Variants in NRXN3 observed in about 807,000 individuals in gnomAD.
The protein encoded by NRXN3 is neurexin 3.
Under a neutral mutation model 137.6 loss-of-function variants are expected in NRXN3, and 32 were observed. The observed-to-expected ratio is 0.23, with a 90% CI of 0.18 to 0.31. The LOEUF (loss-of-function observed/expected upper bound fraction) is 0.31. Ranked by LOEUF, NRXN3 falls within the 10% of genes least tolerant of loss-of-function variation. The pLI, the probability that NRXN3 is intolerant of heterozygous loss-of-function variation, is 1.00. For missense variants in NRXN3, 1,574 were observed against 2,062.5 expected (o/e 0.76, Z 4.59); for synonymous variants, 798 against 784.5 (o/e 1.02, Z -0.29).
At chr14:78,606,778 A>G (rs1314276611) in intron 4 of NRXN3, among the ~76,000 whole-genome samples, 1 of 152,186 alleles carries the variant, frequency 6.6e-6, no homozygotes, top group Non-Finnish European at 1.5e-5. Flanking sequence ...TTGTTGACAA[A>G]CACCATATAC....
chr14:79,388,932 C>T (rs1264939410), intron 15 of NRXN3, among the ~76,000 whole-genome samples: 1 of 152,158 alleles, frequency 6.6e-6, no homozygotes, highest in African/African-American at 2.4e-5. Flanking sequence ...TTCCCTTGCA[C>T]ATGCTCTCTT....
At chr14:78,931,534 G>A (rs893035061) in intron 10 of NRXN3, among the ~76,000 whole-genome samples, 18 of 152,164 alleles carry the variant, frequency 1.2e-4, no homozygotes, top group African/African-American at 4.1e-4. Context: ...AATGCTTGCT[G>A]CAGGCTTCTG....
chr14:78,522,496 T>C (rs1308096456), intron 4 of NRXN3, among the ~76,000 whole-genome samples: 2 of 152,220 alleles, frequency 1.3e-5, no homozygotes, highest in Admixed American at 6.5e-5. Flanking sequence ...TTGACTACAA[T>C]TAAAATAATT....
At chr14:79,741,359 G>C (rs1046699096) in intron 19 of NRXN3, among the ~76,000 whole-genome samples, 1 of 151,956 alleles carries the variant, frequency 6.6e-6, no homozygotes, top group Non-Finnish European at 1.5e-5. Flanking sequence ...CAATATGAAA[G>C]GTGTTATTAA....
chr14:79,003,709 C>G (rs757232530), intron 15 of NRXN3, among the ~76,000 whole-genome samples: 38 of 152,108 alleles, frequency 2.5e-4, no homozygotes, highest in Non-Finnish European at 5.3e-4. Flanking sequence ...AGATCACTCT[C>G]CGGTGGAGTT....
chr14:78,252,620 G>A (rs1440599547), intron 2 of NRXN3, among the ~76,000 whole-genome samples: 1 of 152,202 alleles, frequency 6.6e-6, no homozygotes, highest in African/African-American at 2.4e-5. Flanking sequence ...TTGCCCGTGT[G>A]AAGTCCTTAG....
chr14:79,409,429 TA>T (rs920303429), intron 15 of NRXN3, among the ~76,000 whole-genome samples: 3 of 150,770 alleles, frequency 2.0e-5, no homozygotes, highest in African/African-American at 7.3e-5. Context: ...GGTATATGTA[TA>T]CATATATGCA....
intron 10 of NRXN3, among the ~76,000 whole-genome samples, chr14:78,833,569 A>T (rs2098988239): frequency 6.6e-6 from 1 of 152,222 alleles, no homozygotes; most frequent in South Asian, 2.1e-4. Context: ...CATCAAAAGA[A>T]CTTGGTCAAG....
intron 15 of NRXN3, among the ~76,000 whole-genome samples, chr14:79,422,519 G>A (rs1296736999): frequency 6.6e-6 from 1 of 152,084 alleles, no homozygotes; most frequent in East Asian, 1.9e-4. Flanking sequence ...TAATTTAAAT[G>A]GGATTGAGGG....
At chr14:78,615,405 C>A (rs2097337806) in intron 4 of NRXN3, among the ~76,000 whole-genome samples, 1 of 148,726 alleles carries the variant, frequency 6.7e-6, no homozygotes, top group Admixed American at 6.7e-5. Flanking sequence ...TCGAAACCAT[C>A]CTAGCTAACA....
chr14:79,163,289 A>G (rs2153070685), intron 15 of NRXN3, among the ~76,000 whole-genome samples: 1 of 152,074 alleles, frequency 6.6e-6, no homozygotes, highest in African/African-American at 2.4e-5. Context: ...TGAAACAAGT[A>G]CTGTACTCTT....
intron 4 of NRXN3, among the ~76,000 whole-genome samples, chr14:78,579,090 C>T (rs929555660): frequency 4.5e-4 from 69 of 152,258 alleles, no homozygotes; most frequent in African/African-American, 1.3e-3. Flanking sequence ...ACTCTAGGGA[C>T]TCACGCTTGA....
At chr14:78,711,587 C>T (rs1296765076) in intron 7 of NRXN3, among the ~76,000 whole-genome samples, 2 of 151,990 alleles carry the variant, frequency 1.3e-5, no homozygotes, top group South Asian at 4.2e-4. Context: ...ATTACAGGCA[C>T]CCTCCACCAA....
intron 15 of NRXN3, among the ~76,000 whole-genome samples, chr14:79,370,891 A>G (rs1040721680): frequency 5.9e-5 from 9 of 152,170 alleles, no homozygotes; most frequent in African/African-American, 2.2e-4. Context: ...GATGCTTTAC[A>G]AGCATTATCT....
chr14:79,779,666 A>G (rs1389240897), intron 19 of NRXN3, among the ~76,000 whole-genome samples: 1 of 151,706 alleles, frequency 6.6e-6, no homozygotes, highest in South Asian at 2.1e-4. Context: ...AACTCTCTCT[A>G]CCCCCATCCC....
intron 4 of NRXN3, among the ~76,000 whole-genome samples, chr14:78,607,255 T>C (rs2097260724): frequency 1.3e-5 from 2 of 152,208 alleles, no homozygotes; most frequent in Non-Finnish European, 1.5e-5. Context: ...ATCAGTAGTT[T>C]GAGCAATCAG....
At chr14:79,484,916 G>A (rs2096641715) in intron 16 of NRXN3, among the ~76,000 whole-genome samples, 1 of 151,984 alleles carries the variant, frequency 6.6e-6, no homozygotes, top group South Asian at 2.1e-4. Flanking sequence ...TCAGTAGCTC[G>A]ACTTATTTTT....
chr14:78,379,210 A>C (rs34736252), intron 4 of NRXN3, among the ~76,000 whole-genome samples: 14,895 of 152,236 alleles, frequency 0.098, 914 homozygotes, highest in East Asian at 0.27. Context: ...CACTAATTGC[A>C]TATAAGCTCT....
chr14:78,522,477 C>T (rs531946552), intron 4 of NRXN3, among the ~76,000 whole-genome samples: 1 of 152,262 alleles, frequency 6.6e-6, no homozygotes, highest in South Asian at 2.1e-4. Flanking sequence ...AATCTGTTAT[C>T]GGAAATAGTT....
Sources: gnomAD v4.1 joint callset for allele counts (sites outside exome capture counted in the v4.1 genomes callset) on GRCh38, gnomAD v4.1.1 for gene constraint, MANE v1.5 for transcripts, NCBI Gene and HGNC (gene_info 2026-07-23, HGNC 2026-07-21) for gene names.